SPAST: variants seen among roughly 807,000 people sequenced by gnomAD.
SPAST encodes the protein spastin, also known as spastic paraplegia 4 (autosomal dominant; spastin).
A neutral mutation model predicts 76.6 loss-of-function variants in SPAST; 30 were observed. The observed-to-expected ratio is 0.39, with a 90% CI of 0.29 to 0.53. The LOEUF (loss-of-function observed/expected upper bound fraction) is 0.53, where lower values mean the gene tolerates loss of function less well. Ranked by LOEUF, SPAST falls within the 20% of genes least tolerant of loss-of-function variation. The probability of loss-of-function intolerance (pLI) is 0.68; values close to 1 mark genes in which losing one functional copy is unlikely to be tolerated. For synonymous variants in SPAST, 305 were observed against 281.0 expected, an observed-to-expected ratio of 1.09 and a Z score of -0.86; for missense variants, 717 against 770.5, an observed-to-expected ratio of 0.93 and a Z score of 0.82.
intron 16 of SPAST, among the ~76,000 whole-genome samples, chr2:32,153,373 A>C (rs367850344): frequency 1.5e-5 from 2 of 133,638 alleles, no homozygotes; most frequent in East Asian, 4.4e-4. Flanking sequence ...CCCAAGCTGG[A>C]GTGCAATGGC....
chr2:32,118,691 G>A (rs1296062356), intron 7 of SPAST, among the ~76,000 whole-genome samples: 1 of 152,198 alleles, frequency 6.6e-6, no homozygotes, highest in Admixed American at 6.5e-5. Context: ...CAAGATTTTA[G>A]TTAAGTGGTA....
Position 32,126,945 on chromosome 2 carries a change from T to C in SPAST, c.1099-3T>C. On this transcript the variant is annotated splice_region_variant and splice_polypyrimidine_tract_variant and intron_variant, in intron 7 of 16. Transcript: ENST00000315285. The stretch of plus-strand genomic sequence containing the variant: ...GTTGTAAACTAAAGTATATATTTTT[T>C]AGTTGTTCACAGGGCTTAGAGCTCC... 5 of 1,599,110 alleles carry C rather than the reference T, an allele frequency of 3.1e-6. No individual in the cohort carries two copies. Among genetic ancestry groups the C allele is most frequent in the Non-Finnish European group, 4.3e-6 (5 of 1,166,394 alleles).
At chr2:32,120,572 C>CTTT (rs36066356) in intron 7 of SPAST, among the ~76,000 whole-genome samples, 2 of 131,176 alleles carry the variant, frequency 1.5e-5, no homozygotes, top group African/African-American at 5.6e-5. Flanking sequence ...TAACTCAGGT[C>CTTT]TTTTTTTTTT....
intron 1 of SPAST, among the ~76,000 whole-genome samples, chr2:32,067,928 A>G (rs1260478195): frequency 6.6e-6 from 1 of 150,434 alleles, no homozygotes; most frequent in East Asian, 1.9e-4. Context: ...CTTCCTACTG[A>G]TAATGTTTCT....
intron 1 of SPAST, among the ~76,000 whole-genome samples, chr2:32,086,459 G>C (rs1052317860): frequency 2.3e-5 from 3 of 131,426 alleles, no homozygotes; most frequent in Non-Finnish European, 4.9e-5. Flanking sequence ...GCAAGACTCT[G>C]TTTAAAAAAA....
At chr2:32,072,589 C>T (rs769280210) in intron 1 of SPAST, among the ~76,000 whole-genome samples, 8 of 152,046 alleles carry the variant, frequency 5.3e-5, no homozygotes, top group Non-Finnish European at 1.0e-4. Flanking sequence ...AGGGGAGGGT[C>T]CATGAGTCAG....
At chr2:32,079,102 A>C (rs1008134727) in intron 1 of SPAST, among the ~76,000 whole-genome samples, 1 of 152,038 alleles carries the variant, frequency 6.6e-6, no homozygotes, top group African/African-American at 2.4e-5. Context: ...CAGCCTCCCG[A>C]AGTGTTGAGA....
At chr2:32,083,763 TATATATA>T (rs1558620200) in intron 1 of SPAST, among the ~76,000 whole-genome samples, 4 of 96,174 alleles carry the variant, frequency 4.2e-5, no homozygotes, top group African/African-American at 1.3e-4. Flanking sequence ...TATATATATA[TATATATA>T]TATATATTTT....
intron 1 of SPAST, among the ~76,000 whole-genome samples, chr2:32,066,994 C>CAAAA (rs1553395256): frequency 2.1e-5 from 1 of 47,100 alleles, no homozygotes; most frequent in Non-Finnish European, 4.6e-5. Context: ...AAAAAAAAAC[C>CAAAA]AAAAAAAAAA....
chr2:32,119,337 A>G (rs1343973172), intron 7 of SPAST, among the ~76,000 whole-genome samples: 1 of 152,206 alleles, frequency 6.6e-6, no homozygotes, highest in East Asian at 1.9e-4. Context: ...TTTATTCCTA[A>G]TTCCCTGTAG....
chr2:32,128,919 T>C (rs973499621), intron 9 of SPAST: 1 of 217,684 alleles, frequency 4.6e-6, no homozygotes, highest in South Asian at 6.3e-5. Flanking sequence ...TTTATCTTTA[T>C]GTGGCATTCT....
At chr2:32,082,687 A>G (rs1405745133) in intron 1 of SPAST, among the ~76,000 whole-genome samples, 1 of 151,690 alleles carries the variant, frequency 6.6e-6, no homozygotes, top group Admixed American at 6.6e-5. Context: ...CAAGAGCGAA[A>G]TTCCATCTCA....
At chr2:32,102,237 A>G (rs537399063) in intron 4 of SPAST, among the ~76,000 whole-genome samples, 51 of 151,912 alleles carry the variant, frequency 3.4e-4, no homozygotes, top group Admixed American at 1.2e-3. Context: ...CTTTGAAGCA[A>G]TTGTGAATGG....
chr2:32,107,644 C>T (rs934060649), intron 4 of SPAST, among the ~76,000 whole-genome samples: 1 of 152,098 alleles, frequency 6.6e-6, no homozygotes, highest in African/African-American at 2.4e-5. Flanking sequence ...GGATGCTGAA[C>T]CAGTAAGTAT....
At position 32,140,552 on chromosome 2, in the gene SPAST, G is replaced by C. The variant is rs369071131; in HGVS notation, c.1494-1352G>C. 9.5e-4 allele frequency among the ~76,000 whole-genome samples: 145 copies of C among 152,130 alleles called. 4 individuals are homozygous for C. The South Asian group carries it at 0.028, about 30-fold the overall frequency. ...TAATCGCTTGAACCCAGGAGGCAGA[G>C]GTTGCAGTGAGCCAAGACGGCGGCA... On this transcript the variant is annotated intron_variant, in intron 12 of 16. Coordinates refer to ENST00000315285, the MANE Select transcript of SPAST (RefSeq NM_014946.4).
At chr2:32,141,856 T>C in intron 12 of SPAST, 48 bp from the exon 13 acceptor site, 1 of 1,497,126 alleles carries the variant, frequency 6.7e-7, no homozygotes. Context: ...CTGTTTCAGC[T>C]TTAAATTCAA....
intron 4 of SPAST, among the ~76,000 whole-genome samples, chr2:32,110,687 A>G (rs1040791798): frequency 7.2e-5 from 10 of 138,208 alleles, no homozygotes; most frequent in Middle Eastern, 5.2e-3. Flanking sequence ...GTGTATATAT[A>G]CTGTATATAT....
At chr2:32,101,859 G>T (rs1407428580) in intron 4 of SPAST, among the ~76,000 whole-genome samples, 1 of 152,156 alleles carries the variant, frequency 6.6e-6, no homozygotes, top group Admixed American at 6.5e-5. Flanking sequence ...TCAGTACCAT[G>T]CTGTTTTGAT....
intron 4 of SPAST, among the ~76,000 whole-genome samples, chr2:32,112,837 CT>C (rs35203919): frequency 2.7e-5 from 4 of 150,876 alleles, no homozygotes; most frequent in African/African-American, 4.9e-5. Context: ...AGGCTTTTGT[CT>C]TTTTTTTTGG....
Sources: allele counts gnomAD v4.1 joint callset (sites outside exome capture counted in the v4.1 genomes callset), GRCh38; gene constraint gnomAD v4.1.1; transcripts MANE v1.5; gene names NCBI Gene and HGNC (gene_info 2026-07-23, HGNC 2026-07-21).